Variants in SH3TC2 observed in about 807,000 individuals in gnomAD.
SH3TC2 encodes SH3 domain and tetratricopeptide repeats 2, also known as SH3 domain and tetratricopeptide repeat-containing protein 2.
SH3TC2 carries 87 observed loss-of-function variants against 124.5 expected under a neutral mutation model. The ratio of observed to expected loss-of-function variants is 0.70; its 90% CI spans 0.59 to 0.84. The LOEUF is 0.84. SH3TC2 is among the 40% of genes least tolerant of loss of function. The pLI, the probability that SH3TC2 is intolerant of heterozygous loss-of-function variation, is 0.00. For synonymous variants in SH3TC2, 634 were observed against 628.5 expected (o/e 1.01, Z -0.13); for missense variants, 1,536 against 1,566.4 (o/e 0.98, Z 0.33).
rs773805399 is a variant in SH3TC2, at chr5:149,004,920, G to C, written c.3676-18C>G. 1.2e-6 allele frequency: 2 copies of C among 1,613,948 alleles called. No homozygotes were observed. Among genetic ancestry groups the C allele is most frequent in the Non-Finnish European group, 1.7e-6 (2 of 1,179,992 alleles). On this transcript the variant is annotated intron_variant, in intron 16 of 16. Coordinates refer to ENST00000515425, the MANE Select transcript of SH3TC2 (RefSeq NM_024577.4). ...TGGGCATCCTAACCCCGTGGTATGG[G>C]GGCAAAGAAGAGACAGCATTAGCAA... is the stretch of plus-strand genomic sequence containing the variant.
chr5:149,048,916 G>A (rs1754511285), intron 2 of SH3TC2, among the ~76,000 whole-genome samples: 1 of 152,170 alleles, frequency 6.6e-6, no homozygotes, highest in Non-Finnish European at 1.5e-5. Flanking sequence ...TAGCAATCCT[G>A]TTAATAATTA....
chr5:149,021,780 C>CA (rs1277425412), intron 12 of SH3TC2, among the ~76,000 whole-genome samples: 2 of 149,012 alleles, frequency 1.3e-5, no homozygotes, highest in African/African-American at 2.4e-5. Flanking sequence ...AAAAACAAAA[C>CA]AAAAAAACTC....
intron 1 of SH3TC2, among the ~76,000 whole-genome samples, chr5:149,059,730 T>G (rs1580922051): frequency 2.0e-5 from 3 of 151,780 alleles, no homozygotes; most frequent in Admixed American, 6.6e-5. Flanking sequence ...TGATTGTGAG[T>G]TCATGAATAT....
chr5:149,011,778 G>A (rs1296126115), intron 13 of SH3TC2, among the ~76,000 whole-genome samples: 2 of 151,734 alleles, frequency 1.3e-5, no homozygotes, highest in Non-Finnish European at 1.5e-5. Flanking sequence ...AATAAAACAT[G>A]GGAAAGAAAA....
intron 9 of SH3TC2, 79 bp from the exon 10 acceptor site, chr5:149,028,797 C>T: frequency 1.4e-6 from 2 of 1,463,292 alleles, no homozygotes; most frequent in Non-Finnish European, 1.9e-6. Flanking sequence ...TACCCCAGAT[C>T]AGTGGCCTCT....
In SH3TC2 at chr5:149,001,827, G is replaced by A. The variant is rs749707904; in HGVS notation, c.*2884C>T. The stretch of plus-strand genomic sequence containing the variant: ...AAATTTTAGCTAAAATTTCCAAGGA[G>A]ATGTAACATGGATAGAAACAACGCT... On this transcript the variant is annotated 3_prime_UTR_variant, in exon 17 of 17. Transcript: ENST00000515425. 7.2e-5 allele frequency: 11 copies of A among 152,174 alleles called. No individual in the cohort carries two copies. The highest frequency in any genetic ancestry group is 1.5e-4 in the Non-Finnish European group (10 of 68,036). 9.4% of individuals were successfully genotyped at this position (152,174 alleles called of 1,614,324 possible). A position where few individuals can be genotyped will look rare whatever the true frequency, so the allele number is the denominator to read the frequency against.
intron 12 of SH3TC2, among the ~76,000 whole-genome samples, chr5:149,025,298 G>A (rs1376960828): frequency 6.6e-6 from 1 of 152,152 alleles, no homozygotes; most frequent in Non-Finnish European, 1.5e-5. Context: ...AAAGAATGAG[G>A]GAGAGTGAGA....
intron 7 of SH3TC2, among the ~76,000 whole-genome samples, chr5:149,039,118 G>C (rs554342110): frequency 1.3e-5 from 2 of 152,222 alleles, no homozygotes; most frequent in African/African-American, 4.8e-5. Context: ...AGCTGCTAAT[G>C]ACTTAGAAGG....
chr5:149,049,265 C>G (rs965560182), intron 2 of SH3TC2, among the ~76,000 whole-genome samples: 1 of 152,202 alleles, frequency 6.6e-6, no homozygotes, highest in African/African-American at 2.4e-5. Context: ...CCATCCAGGC[C>G]TCCATCTGGT....
At chr5:149,040,356 C>G (rs927647754) in intron 7 of SH3TC2, among the ~76,000 whole-genome samples, 2 of 152,138 alleles carry the variant, frequency 1.3e-5, no homozygotes, top group Admixed American at 6.5e-5. Flanking sequence ...TACCTTCCAT[C>G]CAGGCCCCCT....
In SH3TC2 at chr5:149,000,705, GTCATTTGTGCAACTAAGTCCTTGAGTC is replaced by G. The variant is rs1449630940; in HGVS notation, c.*3979_*4005del. ...GGAAGCCCTGAACAGCAGAAATCCT[GTCATTTGTGCAACTAAGTCCTTGAGTC>G]ATGAGACCCCCGCCTCAAGTACCAC... On this transcript the variant is annotated 3_prime_UTR_variant, in exon 17 of 17. Transcript: ENST00000515425. Among the ~76,000 whole-genome samples, 3 of 152,100 alleles carry G rather than the reference GTCATTTGTGCAACTAAGTCCTTGAGTC, an allele frequency of 2.0e-5. No individual in the cohort carries two copies. The highest frequency in any genetic ancestry group is 4.4e-5 in the Non-Finnish European group (3 of 68,028).
chr5:149,036,915 C>T (rs1040509614), intron 8 of SH3TC2, among the ~76,000 whole-genome samples: 5 of 152,150 alleles, frequency 3.3e-5, no homozygotes, highest in African/African-American at 4.8e-5. Context: ...TAAGTGCCAC[C>T]GTGGGCTTCT....
chr5:149,044,631 G>A lies in SH3TC2; in HGVS notation c.287C>T (p.Ser96Leu), dbSNP rs2127401458. The change falls in exon 4 of 17, where the codon TCA becomes TTA. Residue 96 changes from serine (S) to leucine (L), a missense_variant. By Grantham distance (145) the Ser-to-Leu change is moderately radical. Around this residue, in one of 3 missense-constraint regions of SH3TC2, gnomAD observed 1,102 missense variants for 1,098.6 expected, o/e 1.00. Transcript: ENST00000515425. ...AGACTGGATACTGACCAACCTTGCTGAGAGGTCCTACGTAAAGGAAACAAT... is the reference window on the plus strand; with the variant it reads ...AGACTGGATACTGACCAACCTTGCTAAGAGGTCCTACGTAAAGGAAACAAT... ...QEVRMLFKDL[S>L]ARLVSIQSQR... 6.2e-7 allele frequency: 1 copy of A among 1,613,814 alleles called. No individual in the cohort carries two copies. The highest frequency in any genetic ancestry group is 8.5e-7 in the Non-Finnish European group (1 of 1,179,750).
In SH3TC2 at chr5:148,990,049, C is replaced by G. The variant is rs1052607507; in HGVS notation, c.*14662G>C. ...ACCTCTCCTCTCACTCAAAATATAG[C>G]TCCCTTAAGCCAGTTTTCCCTGCTT... On this transcript the variant is annotated 3_prime_UTR_variant, in exon 17 of 17. Transcript: ENST00000515425. Among the ~76,000 whole-genome samples, 10 of 152,048 alleles carry G rather than the reference C, an allele frequency of 6.6e-5. No individual in the cohort carries two copies. The highest frequency in any genetic ancestry group is 2.2e-4 in the African/African-American group (9 of 41,390).
rs1754116787 is a variant in SH3TC2 at position 149,028,333 on chromosome 5, A to T, written c.1399T>A (p.Phe467Ile). 1 of 1,614,006 alleles carries T rather than the reference A, an allele frequency of 6.2e-7. No individual in the cohort carries two copies. The highest frequency in any genetic ancestry group is 8.5e-7 in the Non-Finnish European group (1 of 1,180,054). ...STGQEEEAEN[F>I]APILAFLDHE... is the part of the protein sequence containing the mutation. ...TCCAGAAAAGCCAATATGGGGGCGA[A>T]GTTCTCAGCCTCCTCCTCCTGACCA... Residue 467 changes from phenylalanine (F) to isoleucine (I), a missense_variant, in exon 11 of 17, where the codon TTC (phenylalanine) becomes ATC (isoleucine). This residue lies in a region of SH3TC2 where 1,102 missense variants were observed against 1,098.6 expected (regional missense o/e 1.00). Coordinates refer to ENST00000515425, the MANE Select transcript of SH3TC2 (RefSeq NM_024577.4).
rs777209545 is a variant in SH3TC2, at chr5:149,012,672, T to G, written c.3116A>C (p.Glu1039Ala). ...ESLRIFIDLG[E>A]TDKAAEAWLG... ...CCAGGCCTCAGCAGCCTTGTCTGTC[T>G]CCCCCAGGTCAATGAAGATACGCAG... The change falls in exon 13 of 17, where the codon GAG becomes GCG. Residue 1039 changes from glutamate (E) to alanine (A), a missense_variant. This residue lies in a region of SH3TC2 where 426 missense variants were observed against 443.5 expected (regional missense o/e 0.96). Transcript: ENST00000515425. 1.1e-5 allele frequency: 17 copies of G among 1,614,008 alleles called. No homozygotes were observed. Among genetic ancestry groups the G allele is most frequent in the Admixed American group, 3.3e-5 (2 of 60,020 alleles).
chr5:149,005,745 G>GCAAAGTAATTAATTCAGGC (rs1753676747), intron 16 of SH3TC2, among the ~76,000 whole-genome samples: 1 of 152,170 alleles, frequency 6.6e-6, no homozygotes, highest in Admixed American at 6.5e-5. Flanking sequence ...CAGGCCAGAA[G>GCAAAGTAATTAATTCAGGC]CAAAGCCTGG....
chr5:149,027,856 C>T lies in SH3TC2; in HGVS notation c.1876G>A (p.Val626Met). The change falls in exon 11 of 17, where the codon GTG becomes ATG. Residue 626 changes from valine to methionine, a missense_variant. By Grantham distance (21) the Val-to-Met change is conservative. Coordinates refer to ENST00000515425, the MANE Select transcript of SH3TC2 (RefSeq NM_024577.4). ...VAYVLRQGIVVGSSPLEARAC... is the reference protein window; with the variant it reads ...VAYVLRQGIVMGSSPLEARAC... ...CTGGCCTCCAGCGGGCTGCTGCCCA[C>T]CACAATCCCCTGGCGCAGCACGTAG... 1 of 1,613,918 alleles carries T rather than the reference C, an allele frequency of 6.2e-7. No homozygotes were observed. Among genetic ancestry groups the T allele is most frequent in the South Asian group, 1.1e-5 (1 of 91,088 alleles).
At chr5:149,022,113 T>A (rs1465703580) in intron 12 of SH3TC2, among the ~76,000 whole-genome samples, 2 of 151,994 alleles carry the variant, frequency 1.3e-5, no homozygotes, top group Non-Finnish European at 2.9e-5. Flanking sequence ...TGACAACCCA[T>A]GGGCTGGGAA....
Sources: gnomAD v4.1 joint callset for allele counts (sites outside exome capture counted in the v4.1 genomes callset) on GRCh38, gnomAD v4.1.1 for gene constraint, gnomAD v4.1.1 regional missense constraint, MANE v1.5 for transcripts, NCBI Gene and HGNC (gene_info 2026-07-23, HGNC 2026-07-21) for gene names.